Variants in AZI2 observed in about 807,000 individuals in gnomAD.
AZI2 encodes 5-azacytidine-induced protein 2.
In AZI2, 22 loss-of-function variants were observed where a neutral mutation model predicts 45.8. The ratio of observed to expected loss-of-function variants is 0.48; its 90% CI spans 0.34 to 0.69. The LOEUF is 0.69. Ranked by LOEUF, AZI2 falls within the 30% of genes least tolerant of loss-of-function variation. The pLI, the probability that AZI2 is intolerant of heterozygous loss-of-function variation, is 0.01. For synonymous variants in AZI2, 137 were observed against 156.7 expected (o/e 0.87, Z 0.94); for missense variants, 417 against 441.5 (o/e 0.94, Z 0.50).
intron 6 of AZI2, 172 bp from the exon 7 acceptor site, chr3:28,327,122 C>G (rs374955491): frequency 3.6e-6 from 2 of 548,838 alleles, no homozygotes; most frequent in African/African-American, 3.8e-5. Flanking sequence ...GTGAAAAGAT[C>G]TTGAAAGAAT....
intron 3 of AZI2, 106 bp downstream of exon 3, chr3:28,338,387 T>C: frequency 7.9e-7 from 1 of 1,264,858 alleles, no homozygotes; most frequent in Non-Finnish European, 1.0e-6. Flanking sequence ...GTATACAAAA[T>C]TTTAATTACT....
chr3:28,340,325 A>G, intron 2 of AZI2, 77 bp downstream of exon 2: 3 of 1,016,930 alleles, frequency 3.0e-6, no homozygotes, highest in Non-Finnish European at 4.3e-6. Flanking sequence ...AGACAGGACA[A>G]AAAGTATTCA....
intron 4 of AZI2, 77 bp from the exon 5 acceptor site, chr3:28,336,962 G>T (rs1703817655): frequency 1.4e-6 from 2 of 1,428,914 alleles, no homozygotes; most frequent in East Asian, 2.3e-5. Flanking sequence ...AGGTTATTCT[G>T]GTAAAATGTA....
intron 6 of AZI2, among the ~76,000 whole-genome samples, chr3:28,330,517 G>T (rs1479844337): frequency 6.6e-6 from 1 of 151,174 alleles, no homozygotes; most frequent in Non-Finnish European, 1.5e-5. Flanking sequence ...AACTTACAAA[G>T]ATTAACAAAA....
chr3:28,326,616 C>G, intron 7 of AZI2: 1 of 520,282 alleles, frequency 1.9e-6, no homozygotes, highest in Non-Finnish European at 3.5e-6. Flanking sequence ...GAAAAGAATA[C>G]AGTACTGAAG....
In AZI2 at chr3:28,336,760, C is replaced by T; in HGVS notation, c.565G>A (p.Glu189Lys). ...MRKECSDLKI[E>K]LQKAKQTDPY... ...ACCGTTTGTTTGGCTTTCTGTAGTT[C>T]TATTTTGAGATCGCTACATTCTTTC... The change falls in exon 5 of 8, where the codon GAA becomes AAA. Residue 189 changes from glutamate to lysine, a missense_variant. Transcript: ENST00000479665. 1 of 1,613,000 alleles carries T rather than the reference C, an allele frequency of 6.2e-7. No individual in the cohort carries two copies. Among genetic ancestry groups the T allele is most frequent in the East Asian group, 2.2e-5 (1 of 44,800 alleles).
At chr3:28,325,340 A>G (rs909553684) in intron 7 of AZI2, among the ~76,000 whole-genome samples, 8 of 151,060 alleles carry the variant, frequency 5.3e-5, no homozygotes, top group African/African-American at 1.9e-4. Context: ...ACTTCATGTA[A>G]TTTTAGAAGA....
In AZI2 at chr3:28,328,906, T is replaced by C. The variant is rs569022717; in HGVS notation, c.648-1956A>G. The stretch of plus-strand genomic sequence containing the variant: ...TTTAAATGATATTGGAAAAGGCAAG[T>C]TGTCATCCCTAATTTTTAGCAGGCT... On this transcript the variant is annotated intron_variant, in intron 6 of 7. Transcript: ENST00000479665. Among the ~76,000 whole-genome samples the C allele has an allele frequency of 9.9e-5, 15 of 151,332 alleles. No individual in the cohort carries two copies. The South Asian group carries it at 2.5e-3, about 25-fold the overall frequency.
At position 28,340,404 on chromosome 3, in the gene AZI2, T is replaced by G; in HGVS notation, c.214A>C (p.Lys72Gln). The change falls in exon 2 of 8, where the codon AAG (lysine) becomes CAG (glutamine). Residue 72 changes from lysine to glutamine, a missense_variant and splice_region_variant. Coordinates refer to ENST00000479665, the MANE Select transcript of AZI2 (RefSeq NM_022461.5). ...LKKRIRFLEE[K>Q]LIARFEEETS... ...TGAAGGTAAAAGATAAAAATTACCT[T>G]TTCTTCCAAAAATCTTATTCTCTTC... 6.4e-7 allele frequency: 1 copy of G among 1,562,982 alleles called. No homozygotes were observed. The highest frequency in any genetic ancestry group is 8.8e-7 in the Non-Finnish European group (1 of 1,140,150).
rs1273400862 is a variant in AZI2 at position 28,321,684 on chromosome 3, C to T, written c.*2358G>A. ...AATTAAGATCAGTACTTTGTTGTCACATGATTCAGCTCTTCAAGTCTGAAT... is the reference window on the plus strand; with the variant it reads ...AATTAAGATCAGTACTTTGTTGTCATATGATTCAGCTCTTCAAGTCTGAAT... On this transcript the variant is annotated 3_prime_UTR_variant, in exon 8 of 8. Coordinates refer to ENST00000479665, the MANE Select transcript of AZI2 (RefSeq NM_022461.5). The T allele has an allele frequency of 2.0e-5, 3 of 151,360 alleles. No homozygotes were observed. The highest frequency in any genetic ancestry group is 4.4e-5 in the Non-Finnish European group (3 of 67,532). 9.4% of individuals were successfully genotyped at this position (151,360 alleles called of 1,614,324 possible).
chr3:28,348,126 G>T (rs1022129935), intron 1 of AZI2: 1 of 152,240 alleles, frequency 6.6e-6, no homozygotes, highest in Non-Finnish European at 1.5e-5. Context: ...AATGAATACC[G>T]TATACAGGTT....
rs2125662540 is a variant in AZI2 at position 28,340,595 on chromosome 3, T to C, written c.23A>G (p.Asp8Gly). 5 of 1,611,370 alleles carry C rather than the reference T, an allele frequency of 3.1e-6. No homozygotes were observed. Among genetic ancestry groups the C allele is most frequent in the African/African-American group, 2.7e-5 (2 of 74,914 alleles). Residue 8 changes from aspartate (D) to glycine (G), a missense_variant, in exon 2 of 8, where the codon GAT (aspartate) becomes GGT (glycine). Physicochemically the swap from Asp to Gly is moderately conservative, Grantham distance 94 (BLOSUM62 -1). Coordinates refer to ENST00000479665, the MANE Select transcript of AZI2 (RefSeq NM_022461.5). MDALVED[D>G]ICILNHEKAH... The stretch of plus-strand genomic sequence containing the variant: ...TTTTTCATGATTCAGAATACAGATA[T>C]CATCTTCTACCAGTGCATCCATGAC...
intron 1 of AZI2, among the ~76,000 whole-genome samples, chr3:28,346,935 T>C (rs1447117836): frequency 6.6e-6 from 1 of 151,938 alleles, no homozygotes; most frequent in Non-Finnish European, 1.5e-5. Context: ...TCCAGTTCCA[T>C]TTTTATGACT....
chr3:28,339,414 A>AT (rs2125660001), intron 2 of AZI2, among the ~76,000 whole-genome samples: 1 of 152,240 alleles, frequency 6.6e-6, no homozygotes, highest in South Asian at 2.1e-4. Context: ...ATAAAATCCC[A>AT]TTTTTCTACT....
chr3:28,343,109 G>C (rs1285924805), intron 1 of AZI2, among the ~76,000 whole-genome samples: 2 of 151,982 alleles, frequency 1.3e-5, no homozygotes, highest in Admixed American at 1.3e-4. Flanking sequence ...CAGAGAGGCA[G>C]AGTTGTGCAG....
Position 28,338,481 on chromosome 3 carries a change from A to C in AZI2, c.339+12T>G, listed in dbSNP as rs1703884934. The C allele has an allele frequency of 6.5e-7, 1 of 1,531,924 alleles. No individual in the cohort carries two copies. Among genetic ancestry groups the C allele is most frequent in the Non-Finnish European group, 8.9e-7 (1 of 1,124,974 alleles). The allele number at this position is 1,531,924 out of a possible 1,614,324, so 94.9% of individuals were successfully genotyped here. A position where few individuals can be genotyped will look rare whatever the true frequency, so the allele number is the denominator to read the frequency against. On this transcript the variant is annotated intron_variant, in intron 3 of 7. Coordinates refer to ENST00000479665, the MANE Select transcript of AZI2 (RefSeq NM_022461.5). Reference sequence around the variant, plus strand: ...CCAAAATGCAGATGTCATTCGCTTCAAATCAACTTACCATTTTGTCCAGTT... The same window carrying C: ...CCAAAATGCAGATGTCATTCGCTTCCAATCAACTTACCATTTTGTCCAGTT...
At chr3:28,345,855 T>C (rs1008092471) in intron 1 of AZI2, among the ~76,000 whole-genome samples, 1 of 152,124 alleles carries the variant, frequency 6.6e-6, no homozygotes, top group African/African-American at 2.4e-5. Context: ...GGAATAAATA[T>C]GATTATCCTG....
At position 28,338,520 on chromosome 3, in the gene AZI2, A is replaced by C. The variant is rs755420718; in HGVS notation, c.312T>G (p.Asp104Glu). 3 of 1,587,534 alleles carry C rather than the reference A, an allele frequency of 1.9e-6. No individual in the cohort carries two copies. The African/African-American group carries it at 4.0e-5, about 21-fold the overall frequency. ...TTTTGTCCAGTTTGCTCTTCAAATT[A>C]TCTCTATCAATGCAAACCTCTCGAT... ...HAYREVCIDR[D>E]NLKSKLDKMN... Residue 104 changes from aspartate to glutamate, a missense_variant, in exon 3 of 8, where the codon GAT (aspartate) becomes GAG (glutamate). Transcript: ENST00000479665.
At chr3:28,337,008 AAT>A (rs1180082942) in intron 4 of AZI2, 123 bp from the exon 5 acceptor site, 8 of 947,902 alleles carry the variant, frequency 8.4e-6, no homozygotes, top group Non-Finnish European at 1.2e-5. Flanking sequence ...ATATATGATC[AAT>A]AGTTTTTTAA....
Sources: allele counts gnomAD v4.1 joint callset (sites outside exome capture counted in the v4.1 genomes callset), GRCh38; gene constraint gnomAD v4.1.1; transcripts MANE v1.5; gene names NCBI Gene and HGNC (gene_info 2026-07-23, HGNC 2026-07-21).